Variants in ASB15 observed in about 807,000 individuals in gnomAD.
ASB15 encodes ankyrin repeat and SOCS box protein 15.
Under a neutral mutation model 58.0 loss-of-function variants are expected in ASB15, and 54 were observed. The ratio of observed to expected loss-of-function variants is 0.93; its 90% CI spans 0.75 to 1.17. The LOEUF (loss-of-function observed/expected upper bound fraction) is 1.17. Ranked by LOEUF, ASB15 falls within the 50% of genes most tolerant of loss-of-function variation. The probability of loss-of-function intolerance (pLI) is 0.00; values close to 1 mark genes in which losing one functional copy is unlikely to be tolerated. For missense variants in ASB15, 680 were observed against 707.4 expected (o/e 0.96, Z 0.44); for synonymous variants, 249 against 262.4 (o/e 0.95, Z 0.50).
intron 4 of ASB15, among the ~76,000 whole-genome samples, chr7:123,615,955 T>A (rs1800781354): frequency 6.6e-6 from 1 of 152,116 alleles, no homozygotes; most frequent in Non-Finnish European, 1.5e-5. Flanking sequence ...ACTCCTTTTT[T>A]ATTGCTTTGA....
chr7:123,614,465 A>C (rs1800669556), intron 3 of ASB15, 36 bp from the exon 4 acceptor site: 1 of 1,328,424 alleles, frequency 7.5e-7, no homozygotes, highest in Admixed American at 1.8e-5. Context: ...CCATTTCTTG[A>C]TAATAAGAAC....
At chr7:123,589,949 G>A (rs989511192) in intron 1 of ASB15, among the ~76,000 whole-genome samples, 9 of 152,098 alleles carry the variant, frequency 5.9e-5, no homozygotes, top group Admixed American at 6.6e-5. Flanking sequence ...GTGTAAAAGC[G>A]TTCCTATTTC....
At chr7:123,624,048 T>C (rs948597617) in intron 7 of ASB15, among the ~76,000 whole-genome samples, 1 of 152,084 alleles carries the variant, frequency 6.6e-6, no homozygotes. Flanking sequence ...CAATACTTGC[T>C]GCTATCTTTT....
At chr7:123,581,737 G>C (rs1799239238) in intron 1 of ASB15, among the ~76,000 whole-genome samples, 1 of 151,640 alleles carries the variant, frequency 6.6e-6, no homozygotes, top group Non-Finnish European at 1.5e-5. Flanking sequence ...GCTGTAACAT[G>C]AAAATTTTCT....
chr7:123,605,101 C>T (rs549334327), intron 2 of ASB15, among the ~76,000 whole-genome samples: 2 of 152,270 alleles, frequency 1.3e-5, no homozygotes, highest in South Asian at 4.2e-4. Flanking sequence ...AAAAATTTGA[C>T]TTGAGCACCA....
At position 123,624,782 on chromosome 7, in the gene ASB15, A is replaced by T. The variant is rs748824951; in HGVS notation, c.665A>T (p.His222Leu). The change falls in exon 8 of 12, where the codon CAC becomes CTC. Residue 222 changes from histidine (H) to leucine (L), a missense_variant. His to Leu is a moderately conservative substitution (Grantham distance 99). Transcript: ENST00000451215. ...TPLGVAAEYGHCDVLEHLIHK... is the reference protein window; with the variant it reads ...TPLGVAAEYGLCDVLEHLIHK... ...CTAGGCGTCGCTGCCGAGTATGGTC[A>T]CTGTGACGTGTTAGAACATCTAATC... 1 of 1,614,062 alleles carries T rather than the reference A, an allele frequency of 6.2e-7. No individual in the cohort carries two copies. Among genetic ancestry groups the T allele is most frequent in the Non-Finnish European group, 8.5e-7 (1 of 1,179,932 alleles).
At chr7:123,570,029 CTTTTTTTTT>C (rs5887142) in intron 1 of ASB15, among the ~76,000 whole-genome samples, 27 of 88,204 alleles carry the variant, frequency 3.1e-4, no homozygotes, top group African/African-American at 1.2e-3. Flanking sequence ...ACTGCCATAG[CTTTTTTTTT>C]TTTTTTTTTT....
intron 1 of ASB15, among the ~76,000 whole-genome samples, chr7:123,572,996 A>T (rs1798956158): frequency 2.0e-5 from 3 of 152,244 alleles, no homozygotes; most frequent in South Asian, 4.1e-4. Context: ...AAATTTTAAC[A>T]AACGATCAGC....
At chr7:123,624,077 C>A (rs545620814) in intron 7 of ASB15, among the ~76,000 whole-genome samples, 1 of 151,712 alleles carries the variant, frequency 6.6e-6, no homozygotes, top group Non-Finnish European at 1.5e-5. Flanking sequence ...GGGAAAAAAC[C>A]CTGTTTCTAT....
chr7:123,612,210 C>A (rs907951647), intron 3 of ASB15: 6 of 152,242 alleles, frequency 3.9e-5, no homozygotes, highest in African/African-American at 1.4e-4. Context: ...ACTTTGTCAT[C>A]TACTGGTGCT....
chr7:123,617,472 A>G (rs1405653888), intron 6 of ASB15, 107 bp from the exon 7 acceptor site: 15 of 1,017,164 alleles, frequency 1.5e-5, no homozygotes, highest in Admixed American at 5.1e-5. Flanking sequence ...ATTTTCATCA[A>G]TTGACTTTGT....
chr7:123,594,085 G>T (rs1799624872), intron 1 of ASB15, among the ~76,000 whole-genome samples: 2 of 151,964 alleles, frequency 1.3e-5, no homozygotes, highest in African/African-American at 4.8e-5. Flanking sequence ...ACTGAAGCTT[G>T]TGTATGCTTC....
intron 1 of ASB15, among the ~76,000 whole-genome samples, chr7:123,580,460 T>C (rs1306516413): frequency 3.3e-5 from 5 of 152,000 alleles, no homozygotes; most frequent in Non-Finnish European, 7.4e-5. Context: ...TCAGGGTAGT[T>C]ATGTGGCCTT....
At chr7:123,602,229 C>T (rs370091509) in intron 1 of ASB15, among the ~76,000 whole-genome samples, 34 of 152,120 alleles carry the variant, frequency 2.2e-4, no homozygotes, top group Middle Eastern at 3.4e-3. Context: ...CCAGAAGGGT[C>T]TCAGCTCACC....
At chr7:123,579,314 A>C (rs566995031) in intron 1 of ASB15, among the ~76,000 whole-genome samples, 1 of 152,206 alleles carries the variant, frequency 6.6e-6, no homozygotes, top group African/African-American at 2.4e-5. Context: ...AATTTTAGAT[A>C]AAAATACTTT....
intron 11 of ASB15, among the ~76,000 whole-genome samples, chr7:123,635,341 ACTTT>A (rs1205829596): frequency 1.3e-5 from 2 of 152,160 alleles, no homozygotes; most frequent in East Asian, 1.9e-4. Flanking sequence ...ATACATGTGT[ACTTT>A]CTTTATTTTA....
chr7:123,579,990 A>T (rs889413187), intron 1 of ASB15, among the ~76,000 whole-genome samples: 5 of 152,086 alleles, frequency 3.3e-5, no homozygotes, highest in Non-Finnish European at 5.9e-5. Context: ...ATCCTGATGT[A>T]ACAAAGGTAC....
intron 10 of ASB15, 91 bp from the exon 11 acceptor site, chr7:123,629,875 T>A (rs1802027947): frequency 1.1e-6 from 1 of 934,026 alleles, no homozygotes; most frequent in African/African-American, 1.7e-5. Flanking sequence ...TTTTCTGTAG[T>A]AAAACAGAGT....
chr7:123,595,037 T>A (rs1799656236), intron 1 of ASB15, among the ~76,000 whole-genome samples: 1 of 152,130 alleles, frequency 6.6e-6, no homozygotes. Flanking sequence ...CCCGCCAAGC[T>A]CCAGCATCCC....
Sources: allele counts gnomAD v4.1 joint callset (sites outside exome capture counted in the v4.1 genomes callset), GRCh38; gene constraint gnomAD v4.1.1; transcripts MANE v1.5; gene names NCBI Gene and HGNC (gene_info 2026-07-23, HGNC 2026-07-21).